Variants in TEX9 observed in about 807,000 individuals in gnomAD.
TEX9 encodes testis-expressed protein 9.
A neutral mutation model predicts 59.6 loss-of-function variants in TEX9; 74 were observed. That is an observed-to-expected ratio of 1.24 (90% CI 1.03 to 1.51). TEX9 has a LOEUF of 1.51. Among genes scored for constraint, TEX9 ranks in the 40% most tolerant of loss-of-function variants. TEX9 has a pLI of 0.00. For missense variants in TEX9, 522 were observed against 447.8 expected, an observed-to-expected ratio of 1.17 and a Z score of -1.49; for synonymous variants, 186 against 152.2, an observed-to-expected ratio of 1.22 and a Z score of -1.64.
intron 12 of TEX9, chr15:56,429,202 A>G: frequency 6.4e-7 from 1 of 1,565,270 alleles, no homozygotes; most frequent in Non-Finnish European, 8.7e-7. Flanking sequence ...CCCTACGAGA[A>G]AAATACTTTG....
intron 1 of TEX9, among the ~76,000 whole-genome samples, chr15:56,321,130 G>T (rs1215048438): frequency 6.6e-6 from 1 of 152,136 alleles, no homozygotes; most frequent in Admixed American, 6.5e-5. Context: ...TGTGATTCAT[G>T]GGTCAGAGTT....
chr15:56,410,270 C>T (rs2049284238), intron 9 of TEX9: 1 of 152,050 alleles, frequency 6.6e-6, no homozygotes, highest in Non-Finnish European at 1.5e-5. Context: ...ATCTGAATTT[C>T]TGTGGTGCTT....
chr15:56,441,808 A>G (rs2050818338), intron 12 of TEX9, among the ~76,000 whole-genome samples: 1 of 152,086 alleles, frequency 6.6e-6, no homozygotes, highest in Admixed American at 6.6e-5. Flanking sequence ...AGGTCAGGAG[A>G]TCGAGACCAT....
rs955733262 is a variant in TEX9, at chr15:56,412,051, C to T, written c.829-251C>T. Among the ~76,000 whole-genome samples, 36 of 152,018 alleles carry T rather than the reference C, an allele frequency of 2.4e-4. 1 individual carries two copies. The highest frequency in any genetic ancestry group is 8.0e-4 in the African/African-American group (33 of 41,464). On this transcript the variant is annotated intron_variant, in intron 9 of 12. Transcript: ENST00000352903. ...CAATAAAGAGAGAGAAAATTCCAAA[C>T]GAAAAGTAATTTGAAAGCCCGGTTC... is the stretch of plus-strand genomic sequence containing the variant.
At chr15:56,384,790 C>CACA (rs2047889644) in intron 4 of TEX9, among the ~76,000 whole-genome samples, 1 of 152,118 alleles carries the variant, frequency 6.6e-6, no homozygotes, top group Non-Finnish European at 1.5e-5. Context: ...AATTGGGAGG[C>CACA]ACAACAGGTG....
chr15:56,375,689 TG>T (rs1167349483), intron 3 of TEX9, among the ~76,000 whole-genome samples: 4 of 152,218 alleles, frequency 2.6e-5, no homozygotes, highest in African/African-American at 9.6e-5. Flanking sequence ...AATTAATTTT[TG>T]TATAAGGTGT....
chr15:56,425,557 T>G (rs568156105), intron 10 of TEX9, among the ~76,000 whole-genome samples: 2 of 152,268 alleles, frequency 1.3e-5, no homozygotes, highest in African/African-American at 4.8e-5. Flanking sequence ...AGAATTTGTT[T>G]GGTTCTTTTT....
chr15:56,304,898 A>AT (rs1193068949), intron 1 of TEX9, among the ~76,000 whole-genome samples: 1 of 152,008 alleles, frequency 6.6e-6, no homozygotes, highest in African/African-American at 2.4e-5. Flanking sequence ...AATTTTTGTA[A>AT]TTTTTGTAGA....
At chr15:56,275,753 C>A (rs923992392) in intron 1 of TEX9, among the ~76,000 whole-genome samples, 4 of 151,924 alleles carry the variant, frequency 2.6e-5, no homozygotes, top group African/African-American at 9.7e-5. Flanking sequence ...CTTTTCTGAA[C>A]TGTACTTTTT....
the TEX9 span, chr15:56,456,388 A>G: frequency 6.2e-7 from 1 of 1,600,272 alleles, no homozygotes; most frequent in Non-Finnish European, 8.5e-7. Flanking sequence ...AGAGAAACCA[A>G]GATACCTGTT....
intron 1 of TEX9, among the ~76,000 whole-genome samples, chr15:56,255,998 T>C (rs1211554004): frequency 3.3e-5 from 5 of 152,078 alleles, no homozygotes; most frequent in Non-Finnish European, 7.4e-5. Context: ...CAGGTTACAT[T>C]TTTTATACTG....
At chr15:56,247,438 TG>T (rs2043886428) in intron 1 of TEX9, among the ~76,000 whole-genome samples, 1 of 152,224 alleles carries the variant, frequency 6.6e-6, no homozygotes, top group Non-Finnish European at 1.5e-5. Flanking sequence ...GCATTTTAAT[TG>T]GGTCTTGTTG....
chr15:56,256,912 T>A (rs1297004314), intron 1 of TEX9, among the ~76,000 whole-genome samples: 5 of 150,846 alleles, frequency 3.3e-5, no homozygotes, highest in African/African-American at 1.2e-4. Flanking sequence ...TCATTACTTA[T>A]TTTTTTTTGA....
At chr15:56,457,370 T>C in the TEX9 span, among the ~76,000 whole-genome samples, 1 of 152,124 alleles carries the variant, frequency 6.6e-6, no homozygotes, top group Admixed American at 6.5e-5. Context: ...AAATGCAAAT[T>C]AGAATTGCAA....
At chr15:56,457,864 C>T in the TEX9 span, among the ~76,000 whole-genome samples, 3 of 150,414 alleles carry the variant, frequency 2.0e-5, no homozygotes, top group African/African-American at 7.3e-5. Flanking sequence ...AACAATTTTA[C>T]CTCTTAAGCA....
intron 12 of TEX9, chr15:56,434,330 G>A (rs2050681098): frequency 6.2e-7 from 1 of 1,613,484 alleles, no homozygotes; most frequent in East Asian, 2.2e-5. Context: ...ATTCCTTCAA[G>A]GCCATTTGTT....
At chr15:56,441,027 T>C (rs1307362443) in intron 12 of TEX9, among the ~76,000 whole-genome samples, 2 of 152,186 alleles carry the variant, frequency 1.3e-5, no homozygotes, top group East Asian at 1.9e-4. Context: ...TTTAAAGATA[T>C]AAACTTTCCT....
intron 12 of TEX9, among the ~76,000 whole-genome samples, chr15:56,441,674 A>G (rs1195106254): frequency 1.3e-5 from 2 of 152,210 alleles, no homozygotes; most frequent in Non-Finnish European, 2.9e-5. Context: ...ACAAAGGTCT[A>G]ATATCCATAA....
chr15:56,250,532 T>C (rs1276851495), intron 1 of TEX9, among the ~76,000 whole-genome samples: 1 of 152,156 alleles, frequency 6.6e-6, no homozygotes, highest in East Asian at 1.9e-4. Flanking sequence ...AAATTCCGAG[T>C]GTATTCAAGC....
Sources: gnomAD v4.1 joint callset for allele counts (sites outside exome capture counted in the v4.1 genomes callset) on GRCh38, gnomAD v4.1.1 for gene constraint, MANE v1.5 for transcripts, NCBI Gene and HGNC (gene_info 2026-07-23, HGNC 2026-07-21) for gene names.